The following PCDHGA10 variants were observed in gnomAD, a reference collection of about 807,000 sequenced individuals.
PCDHGA10 encodes protocadherin gamma subfamily A, 10.
Under a neutral mutation model 59.5 loss-of-function variants are expected in PCDHGA10, and 42 were observed. The observed-to-expected ratio is 0.71, with a 90% CI of 0.55 to 0.91. PCDHGA10 has a LOEUF of 0.91. Among genes scored for constraint, PCDHGA10 ranks in the 40% least tolerant of loss-of-function variants. PCDHGA10 has a pLI of 0.00. For synonymous variants in PCDHGA10, 511 were observed against 517.2 expected (o/e 0.99, Z 0.16); for missense variants, 1,111 against 1,198.2 (o/e 0.93, Z 1.07).
intron 1 of PCDHGA10, among the ~76,000 whole-genome samples, chr5:141,448,146 C>G (rs1375402473): frequency 6.6e-6 from 1 of 151,942 alleles, no homozygotes; most frequent in Non-Finnish European, 1.5e-5. Flanking sequence ...ATACCTCAGA[C>G]TCACCCCTGA....
intron 1 of PCDHGA10, chr5:141,478,270 C>G (rs1347709530): frequency 5.6e-6 from 9 of 1,614,078 alleles, no homozygotes; most frequent in Non-Finnish European, 6.8e-6. Context: ...TCAAAGTTTA[C>G]AAGTGGAAGC....
At chr5:141,454,870 C>T (rs2098805291) in intron 1 of PCDHGA10, among the ~76,000 whole-genome samples, 1 of 131,902 alleles carries the variant, frequency 7.6e-6, no homozygotes, top group Non-Finnish European at 1.5e-5. Context: ...TGCAGTGGCA[C>T]GATCTTGGCT....
intron 1 of PCDHGA10, among the ~76,000 whole-genome samples, chr5:141,445,733 T>C (rs1031885468): frequency 6.6e-6 from 1 of 152,186 alleles, no homozygotes; most frequent in Non-Finnish European, 1.5e-5. Context: ...TGTGTAAAGA[T>C]CTTTTTAAAA....
At position 141,415,483 on chromosome 5, in the gene PCDHGA10, A is replaced by G; in HGVS notation, c.2308A>G (p.Ser770Gly). Reference protein sequence around the residue: ...EVSLTADSRKSHLIFPQPNYA... With the variant: ...EVSLTADSRKGHLIFPQPNYA... ...CTCTCTCACCGCGGACTCGCGAAAG[A>G]GTCACCTGATCTTCCCCCAGCCCAA... The change falls in exon 1 of 4, where the codon AGT (serine) becomes GGT (glycine). Residue 770 changes from serine to glycine, a missense_variant. Physicochemically the swap from Ser to Gly is moderately conservative, Grantham distance 56. Transcript: ENST00000398610. The G allele has an allele frequency of 6.2e-7, 1 of 1,614,212 alleles. No individual in the cohort carries two copies. The highest frequency in any genetic ancestry group is 1.1e-5 in the South Asian group (1 of 91,084).
rs146860480 is a variant in PCDHGA10 at position 141,474,581 on chromosome 5, T to G, written c.2437-20226T>G. ...GGTTTTCAGAGATTAATTGAAGTGTTAAAGACATGGAAATATAGGTCACAT... is the reference window on the plus strand; with the variant it reads ...GGTTTTCAGAGATTAATTGAAGTGTGAAAGACATGGAAATATAGGTCACAT... On this transcript the variant is annotated intron_variant, in intron 1 of 3. Transcript: ENST00000398610. Among the ~76,000 whole-genome samples the G allele has an allele frequency of 7.1e-4, 108 of 152,358 alleles. No homozygotes were observed. The East Asian group carries it at 0.015, about 21-fold the overall frequency.
intron 1 of PCDHGA10, chr5:141,421,118 T>A (rs572827470): frequency 1.3e-6 from 1 of 771,946 alleles, no homozygotes; most frequent in South Asian, 1.9e-5. Flanking sequence ...GTATTTTCCT[T>A]CGCTTTCTGA....
chr5:141,505,277 G>A, intron 2 of PCDHGA10, 116 bp from the exon 3 acceptor site: 1 of 1,539,958 alleles, frequency 6.5e-7, no homozygotes, highest in African/African-American at 1.4e-5. Context: ...AGAGAAACAG[G>A]TCTTGGGCAT....
At position 141,487,499 on chromosome 5, in the gene PCDHGA10, G is replaced by C; in HGVS notation, c.2437-7308G>C. 6.2e-7 allele frequency: 1 copy of C among 1,614,152 alleles called. No individual in the cohort carries two copies. The highest frequency in any genetic ancestry group is 1.3e-5 in the African/African-American group (1 of 75,042). ...CCACTCTCATGGCTGTACACCCTTG[G>C]CTTCTGCACCCACTCGGAGTGATAG... On this transcript the variant is annotated intron_variant, in intron 1 of 3. Coordinates refer to ENST00000398610, the MANE Select transcript of PCDHGA10 (RefSeq NM_018913.3). The surrounding 1 kb of genome is among the most constrained non-coding windows in gnomAD (Gnocchi z 5.0).
chr5:141,442,796 T>G (rs909745554), intron 1 of PCDHGA10, among the ~76,000 whole-genome samples: 16 of 152,326 alleles, frequency 1.1e-4, no homozygotes, highest in African/African-American at 3.8e-4. Context: ...AATTTTACTT[T>G]GATATTCAAA....
At chr5:141,497,503 C>CTGCTTCCT (rs1042765123) in intron 2 of PCDHGA10, among the ~76,000 whole-genome samples, 57 of 151,054 alleles carry the variant, frequency 3.8e-4, no homozygotes, top group African/African-American at 1.4e-3. Flanking sequence ...TCTCCTCTCT[C>CTGCTTCCT]TGCTTCCTTA....
At chr5:141,421,222 C>T in intron 1 of PCDHGA10, 1 of 1,576,946 alleles carries the variant, frequency 6.3e-7, no homozygotes, top group Non-Finnish European at 8.6e-7. Flanking sequence ...CGGCTTAGAG[C>T]CTGCCATGGC....
At chr5:141,507,810 G>C (rs550331241) in intron 3 of PCDHGA10, among the ~76,000 whole-genome samples, 5 of 152,172 alleles carry the variant, frequency 3.3e-5, no homozygotes, top group Non-Finnish European at 2.9e-5. Context: ...CCTGGGGAAC[G>C]GACCCTGGGG....
At chr5:141,454,838 C>T (rs1472341694) in intron 1 of PCDHGA10, among the ~76,000 whole-genome samples, 7 of 100,814 alleles carry the variant, frequency 6.9e-5, no homozygotes, top group Non-Finnish European at 1.1e-4. Flanking sequence ...GACAGAGTCG[C>T]GCTCTGTCAC....
At chr5:141,423,076 C>A in intron 1 of PCDHGA10, 1 of 1,614,128 alleles carries the variant, frequency 6.2e-7, no homozygotes, top group Non-Finnish European at 8.5e-7. Context: ...CGAGCCGGGA[C>A]TCTTCGCGGT....
chr5:141,456,550 C>T (rs1017343381), intron 1 of PCDHGA10, among the ~76,000 whole-genome samples: 2 of 152,166 alleles, frequency 1.3e-5, no homozygotes, highest in African/African-American at 4.8e-5. Context: ...TGTAGCCACT[C>T]GGGGCTGAAG....
chr5:141,466,068 G>C (rs1278308918), intron 1 of PCDHGA10, among the ~76,000 whole-genome samples: 4 of 152,080 alleles, frequency 2.6e-5, no homozygotes, highest in Admixed American at 2.6e-4. Flanking sequence ...CTTGCAGTGA[G>C]CTGATATCAT....
intron 1 of PCDHGA10, among the ~76,000 whole-genome samples, chr5:141,464,022 TG>T (rs948245337): frequency 1.3e-5 from 2 of 151,716 alleles, no homozygotes; most frequent in African/African-American, 4.8e-5. Context: ...TCCCACACTT[TG>T]GGAGGCCAAG....
Position 141,438,593 on chromosome 5 carries a change from T to TAC in PCDHGA10, c.2436+22983_2436+22984insCA, listed in dbSNP as rs1414976871. Reference sequence around the variant, plus strand: ...TGATATACATACATACATACATACATATATATATATATATATATATATATA... The same window carrying TAC: ...TGATATACATACATACATACATACATACATATATATATATATATATATATATA... On this transcript the variant is annotated intron_variant, in intron 1 of 3. Transcript: ENST00000398610. Among the ~76,000 whole-genome samples the TAC allele has an allele frequency of 1.6e-3, 115 of 73,944 alleles. 1 individual carries two copies. The highest frequency in any genetic ancestry group is 2.9e-3 in the African/African-American group (63 of 21,786). The allele number at this position is 73,944 out of a possible 152,430, so 48.5% of individuals were successfully genotyped here. A position where few individuals can be genotyped will look rare whatever the true frequency, so the allele number is the denominator to read the frequency against.
intron 1 of PCDHGA10, chr5:141,422,585 T>C (rs1193597044): frequency 1.2e-6 from 2 of 1,613,930 alleles, no homozygotes; most frequent in African/African-American, 2.7e-5. Context: ...CCTCCCGTTT[T>C]TCCTCACTCC....
Sources: allele counts gnomAD v4.1 joint callset (sites outside exome capture counted in the v4.1 genomes callset), GRCh38; gene constraint gnomAD v4.1.1; non-coding constraint Gnocchi (gnomAD v3.1); transcripts MANE v1.5; gene names NCBI Gene and HGNC (gene_info 2026-07-23, HGNC 2026-07-21).